PARD3: variants seen among roughly 807,000 people sequenced by gnomAD.
PARD3 encodes par-3 family cell polarity regulator.
Under a neutral mutation model 155.4 loss-of-function variants are expected in PARD3, and 75 were observed. That is an observed-to-expected ratio of 0.48 (90% confidence interval 0.40 to 0.58). The LOEUF (loss-of-function observed/expected upper bound fraction) is 0.58. PARD3 is among the 20% of genes least tolerant of loss of function. The pLI is 0.00. For synonymous variants in PARD3, 576 were observed against 610.5 expected (o/e 0.94, Z 0.83); for missense variants, 1,642 against 1,721.7 (o/e 0.95, Z 0.82).
At chr10:34,218,596 C>T (rs1952122433) in intron 22 of PARD3, among the ~76,000 whole-genome samples, 1 of 152,112 alleles carries the variant, frequency 6.6e-6, no homozygotes, top group Non-Finnish European at 1.5e-5. Flanking sequence ...CCATTTGGGG[C>T]ACTTCTCCAA....
intron 1 of PARD3, among the ~76,000 whole-genome samples, chr10:34,786,504 C>A (rs1475252348): frequency 6.6e-6 from 1 of 152,246 alleles, no homozygotes; most frequent in Non-Finnish European, 1.5e-5. Flanking sequence ...CAGAAGTCCA[C>A]TGACATTTTG....
chr10:34,443,502 G>A (rs1357850114), intron 5 of PARD3, among the ~76,000 whole-genome samples: 1 of 152,216 alleles, frequency 6.6e-6, no homozygotes, highest in Non-Finnish European at 1.5e-5. Flanking sequence ...CACAATCATT[G>A]TGGAAGGCAG....
intron 14 of PARD3, among the ~76,000 whole-genome samples, chr10:34,355,030 G>A (rs891055880): frequency 2.0e-5 from 3 of 152,146 alleles, no homozygotes; most frequent in Non-Finnish European, 4.4e-5. Context: ...AAAGAGGGGA[G>A]CGGCTAAAGG....
intron 21 of PARD3, among the ~76,000 whole-genome samples, chr10:34,271,110 A>T (rs668752): frequency 0.57 from 85,901 of 151,958 alleles, 25,227 homozygotes; most frequent in African/African-American, 0.73. Flanking sequence ...TAGACTGAAT[A>T]TAATCTTTTA....
intron 3 of PARD3, among the ~76,000 whole-genome samples, chr10:34,471,675 C>T (rs1353218913): frequency 8.5e-5 from 13 of 152,162 alleles, no homozygotes; most frequent in Non-Finnish European, 1.6e-4. Flanking sequence ...CTGCCTCAGC[C>T]TCCCGAGTAG....
At chr10:34,225,383 T>C (rs1952537947) in intron 22 of PARD3, among the ~76,000 whole-genome samples, 1 of 151,950 alleles carries the variant, frequency 6.6e-6, no homozygotes, top group Non-Finnish European at 1.5e-5. Context: ...TTCACTCTTG[T>C]TGCCCAGGCT....
chr10:34,634,408 G>A (rs1010043001), intron 2 of PARD3, among the ~76,000 whole-genome samples: 3 of 152,044 alleles, frequency 2.0e-5, no homozygotes, highest in Non-Finnish European at 4.4e-5. Context: ...AAAAGATAAT[G>A]TTTTCCCTCC....
chr10:34,587,043 T>TA (rs1232715737), intron 2 of PARD3, among the ~76,000 whole-genome samples: 5 of 152,224 alleles, frequency 3.3e-5, no homozygotes, highest in African/African-American at 1.2e-4. Flanking sequence ...ATTGACATCC[T>TA]AATGCCCAGC....
At chr10:34,269,940 CT>C in intron 21 of PARD3, 41 bp from the exon 22 acceptor site, 1 of 1,591,594 alleles carries the variant, frequency 6.3e-7, no homozygotes, top group East Asian at 2.2e-5. Context: ...GAAACCTTTC[CT>C]TTTTTAGGAA....
intron 4 of PARD3, among the ~76,000 whole-genome samples, chr10:34,463,946 C>T (rs1458274233): frequency 6.6e-6 from 1 of 152,122 alleles, no homozygotes; most frequent in African/African-American, 2.4e-5. Flanking sequence ...GTAGGCTACA[C>T]CATCTAGGTT....
At chr10:34,399,480 CA>C in intron 6 of PARD3, 67 bp from the exon 7 acceptor site, 1 of 1,040,150 alleles carries the variant, frequency 9.6e-7, no homozygotes, top group Non-Finnish European at 1.5e-6. Context: ...CAAAACAAAA[CA>C]AAACAAAAAA....
chr10:34,681,918 C>T (rs749511693), intron 2 of PARD3, among the ~76,000 whole-genome samples: 10 of 149,948 alleles, frequency 6.7e-5, no homozygotes, highest in Non-Finnish European at 1.2e-4. Flanking sequence ...ACCAGCACCC[C>T]GCCAACATTT....
At chr10:34,570,682 A>C (rs7096571) in intron 2 of PARD3, among the ~76,000 whole-genome samples, 4,464 of 152,294 alleles carry the variant, frequency 0.029, 220 homozygotes, top group African/African-American at 0.1. Context: ...TACATATCAG[A>C]AACCGAAAAA....
chr10:34,743,450 A>G (rs961309075), intron 1 of PARD3, among the ~76,000 whole-genome samples: 1 of 152,144 alleles, frequency 6.6e-6, no homozygotes, highest in Non-Finnish European at 1.5e-5. Context: ...TCCTAATAGG[A>G]CTCCAACATA....
intron 2 of PARD3, among the ~76,000 whole-genome samples, chr10:34,537,050 T>A (rs1006277267): frequency 2.3e-4 from 35 of 152,202 alleles, no homozygotes; most frequent in African/African-American, 8.4e-4. Flanking sequence ...TCATCCTGGC[T>A]GTAGTGCAAT....
intron 1 of PARD3, among the ~76,000 whole-genome samples, chr10:34,804,799 A>G (rs1843165380): frequency 6.6e-6 from 1 of 152,236 alleles, no homozygotes; most frequent in Non-Finnish European, 1.5e-5. Flanking sequence ...TGTCTATGTA[A>G]AAGAAATTGA....
chr10:34,154,410 C>G (rs1948905895), intron 22 of PARD3, among the ~76,000 whole-genome samples: 1 of 152,212 alleles, frequency 6.6e-6, no homozygotes. Context: ...AACGCCCACA[C>G]TGCAGCTTTC....
chr10:34,652,656 T>C (rs2133068654), intron 2 of PARD3, among the ~76,000 whole-genome samples: 1 of 152,236 alleles, frequency 6.6e-6, no homozygotes, highest in Non-Finnish European at 1.5e-5. Context: ...ATGGATCACA[T>C]CTCACTCACA....
In PARD3 at chr10:34,407,845, G is replaced by A. The variant is rs7902359; in HGVS notation, c.715-5928C>T. Reference sequence around the variant, plus strand: ...TGAGTCCTTATGCCTAAAAAAAAAAGAAAAAAAAAATCCAAAAACTTAAGT... The same window carrying A: ...TGAGTCCTTATGCCTAAAAAAAAAAAAAAAAAAAAATCCAAAAACTTAAGT... On this transcript the variant is annotated intron_variant, in intron 5 of 24. Coordinates refer to ENST00000374788, the MANE Select transcript of PARD3 (RefSeq NM_001184785.2). Among the ~76,000 whole-genome samples the A allele has an allele frequency of 2.5e-4, 37 of 148,936 alleles. 2 individuals carry two copies. The South Asian group carries it at 3.2e-3, about 13-fold the overall frequency.
Sources: gnomAD v4.1 joint callset for allele counts (sites outside exome capture counted in the v4.1 genomes callset) on GRCh38, gnomAD v4.1.1 for gene constraint, MANE v1.5 for transcripts, NCBI Gene and HGNC (gene_info 2026-07-23, HGNC 2026-07-21) for gene names.